The following NFKB1 variants were observed in gnomAD, a reference collection of about 807,000 sequenced individuals.
NFKB1 encodes nuclear factor NF-kappa-B p105 subunit.
NFKB1 carries 9 observed loss-of-function variants against 105.1 expected under a neutral mutation model. That is an observed-to-expected ratio of 0.09 (90% CI 0.05 to 0.15). NFKB1 has a LOEUF of 0.15. NFKB1 is among the 10% of genes least tolerant of loss of function. The pLI, the probability that NFKB1 is intolerant of heterozygous loss-of-function variation, is 1.00. For synonymous variants in NFKB1, 440 were observed against 442.2 expected (o/e 1.00, Z 0.06); for missense variants, 830 against 1,203.7 (o/e 0.69, Z 4.59).
chr4:102,552,938 C>A lies in NFKB1; in HGVS notation c.259-14049C>A, dbSNP rs184886601. ...CAGTCTGACACTTAGATTGTGTTCT[C>A]TTTTGCCCTATTAATGTCTAGAGTG... On this transcript the variant is annotated intron_variant, in intron 5 of 23. Coordinates refer to ENST00000226574, the MANE Select transcript of NFKB1 (RefSeq NM_003998.4). Among the ~76,000 whole-genome samples the A allele has an allele frequency of 4.6e-4, 70 of 152,190 alleles. No individual in the cohort carries two copies. In the East Asian group the frequency reaches 0.011, roughly 24 times the overall value.
At position 102,616,483 on chromosome 4, in the gene NFKB1, C is replaced by T; in HGVS notation, c.2799C>T (p.Ser933=). ...TCTGCGACAGCGGCGTGGAGACATC[C>T]TTCCGCAAACTCAGCTTTACCGAGT... ...DSVCDSGVET[S]FRKLSFTESL... The change falls in exon 24 of 24, where the codon TCC becomes TCT. Residue 933 remains serine, a synonymous_variant. Transcript: ENST00000226574. The T allele has an allele frequency of 1.2e-6, 2 of 1,614,148 alleles. No individual in the cohort carries two copies. The highest frequency in any genetic ancestry group is 1.7e-6 in the Non-Finnish European group (2 of 1,180,014).
At chr4:102,570,480 G>T (rs1291572199) in intron 6 of NFKB1, among the ~76,000 whole-genome samples, 3 of 152,048 alleles carry the variant, frequency 2.0e-5, no homozygotes, top group Non-Finnish European at 4.4e-5. Flanking sequence ...AATTTAGGTT[G>T]ATTCCATGTC....
chr4:102,530,345 G>GA (rs1741206941), intron 3 of NFKB1, among the ~76,000 whole-genome samples: 1 of 152,014 alleles, frequency 6.6e-6, no homozygotes, highest in Non-Finnish European at 1.5e-5. Context: ...CATCTCATTA[G>GA]AAAAATCATC....
rs1741331660 is a variant in NFKB1 at position 102,532,150 on chromosome 4, T to C, written c.119-1695T>C. On this transcript the variant is annotated intron_variant, in intron 3 of 23. Transcript: ENST00000226574. ...GGGTGAATTTCATACAGACAAAAGATGGTAATTTAATACATTGACCAGTGA... is the reference window on the plus strand; with the variant it reads ...GGGTGAATTTCATACAGACAAAAGACGGTAATTTAATACATTGACCAGTGA... Among the ~76,000 whole-genome samples the C allele has an allele frequency of 2.0e-5, 3 of 152,180 alleles. No homozygotes were observed. In the South Asian group the frequency reaches 6.2e-4, roughly 32 times the overall value.
At chr4:102,515,877 A>G (rs558321559) in intron 1 of NFKB1, among the ~76,000 whole-genome samples, 2 of 152,340 alleles carry the variant, frequency 1.3e-5, no homozygotes, top group Admixed American at 6.5e-5. Context: ...CCAAGTGTCT[A>G]TCATTTCCCT....
intron 22 of NFKB1, 89 bp from the exon 23 acceptor site, chr4:102,613,336 G>A (rs1213090200): frequency 7.2e-7 from 1 of 1,386,104 alleles, no homozygotes; most frequent in Non-Finnish European, 1.0e-6. Flanking sequence ...GAGGCAGCAT[G>A]GAAGAGGGAA....
intron 4 of NFKB1, among the ~76,000 whole-genome samples, chr4:102,537,278 A>G (rs1383535178): frequency 6.6e-6 from 1 of 152,174 alleles, no homozygotes; most frequent in African/African-American, 2.4e-5. Flanking sequence ...GCTTGACCAT[A>G]TTAATAATCA....
chr4:102,609,247 T>C (rs1279183091), intron 19 of NFKB1, among the ~76,000 whole-genome samples: 1 of 151,140 alleles, frequency 6.6e-6, no homozygotes, highest in Non-Finnish European at 1.5e-5. Context: ...GAAAAGCAAG[T>C]AACAGTTTCT....
chr4:102,520,463 A>C (rs1044456222), intron 1 of NFKB1, among the ~76,000 whole-genome samples: 5 of 152,198 alleles, frequency 3.3e-5, no homozygotes, highest in African/African-American at 1.2e-4. Context: ...TTGACATTCC[A>C]CTGTAAACAG....
chr4:102,567,444 TATTA>T (rs1457612150), intron 6 of NFKB1, among the ~76,000 whole-genome samples: 1 of 152,234 alleles, frequency 6.6e-6, no homozygotes, highest in Non-Finnish European at 1.5e-5. Context: ...TTTGTGCCAC[TATTA>T]ATTTTTTTTC....
chr4:102,615,662 T>C (rs1057496477), intron 23 of NFKB1, among the ~76,000 whole-genome samples: 4 of 152,260 alleles, frequency 2.6e-5, no homozygotes, highest in African/African-American at 9.6e-5. Context: ...ATTTTTAGGA[T>C]ATCGCATAGT....
chr4:102,580,524 C>A lies in NFKB1; in HGVS notation c.731-11C>A. 1 of 1,611,236 alleles carries A rather than the reference C, an allele frequency of 6.2e-7. No individual in the cohort carries two copies. Among genetic ancestry groups the A allele is most frequent in the Non-Finnish European group, 8.5e-7 (1 of 1,177,548 alleles). On this transcript the variant is annotated splice_polypyrimidine_tract_variant and intron_variant, in intron 8 of 23. Coordinates refer to ENST00000226574, the MANE Select transcript of NFKB1 (RefSeq NM_003998.4). The stretch of plus-strand genomic sequence containing the variant: ...TAATCATGTTATTTGTTGTTTTTCC[C>A]CTGTGAACAGAAGCCCCCAATGCAT...
chr4:102,596,200 A>C lies in NFKB1; in HGVS notation c.1363A>C (p.Thr455Pro), dbSNP rs774174368. ...TTGTGACAAAAGTGATGACAAAAAC[A>C]CTGTAAACCTCTTTGGGAAAGTTAT... ...EGCDKSDDKN[T>P]VNLFGKVIET... is the part of the protein sequence containing the mutation. Residue 455 changes from threonine to proline, a missense_variant, in exon 14 of 24, where the codon ACT becomes CCT. Physicochemically the swap from Thr to Pro is conservative, Grantham distance 38. Around this residue, in one of 8 missense-constraint regions of NFKB1, gnomAD observed 163 missense variants for 164.3 expected, o/e 0.99. Coordinates refer to ENST00000226574, the MANE Select transcript of NFKB1 (RefSeq NM_003998.4). 3 of 1,612,990 alleles carry C rather than the reference A, an allele frequency of 1.9e-6. No individual in the cohort carries two copies. In the South Asian group the frequency reaches 3.3e-5, roughly 18 times the overall value.
chr4:102,593,528 T>C lies in NFKB1; in HGVS notation c.1170T>C (p.Gly390=), dbSNP rs1332753753. 1 of 1,613,726 alleles carries C rather than the reference T, an allele frequency of 6.2e-7. No homozygotes were observed. Among genetic ancestry groups the C allele is most frequent in the Admixed American group, 1.7e-5 (1 of 60,004 alleles). ...GAGCTGGAGGCGGAGGCATGTTTGG[T>C]AGTGGCGGTGGAGGAGGGGGCACTG... ...GAGAGGGGMF[G]SGGGGGGTGS... The change falls in exon 12 of 24, where the codon GGT becomes GGC. Residue 390 remains glycine (G), a synonymous_variant. Transcript: ENST00000226574.
chr4:102,531,473 A>G (rs1351964084), intron 3 of NFKB1, among the ~76,000 whole-genome samples: 1 of 152,186 alleles, frequency 6.6e-6, no homozygotes, highest in Non-Finnish European at 1.5e-5. Flanking sequence ...ATCTAAACCA[A>G]TATTAACTTG....
chr4:102,514,737 C>T (rs1055431767), intron 1 of NFKB1, among the ~76,000 whole-genome samples: 1 of 151,968 alleles, frequency 6.6e-6, no homozygotes, highest in Non-Finnish European at 1.5e-5. Context: ...AGTTCTGCCA[C>T]GTTTTTGCTT....
At chr4:102,596,371 G>A (rs1356144098) in intron 14 of NFKB1, 39 bp downstream of exon 14, 5 of 1,550,312 alleles carry the variant, frequency 3.2e-6, no homozygotes, top group African/African-American at 1.4e-5. Flanking sequence ...TGGTTGGCTG[G>A]GGAGGGGTCA....
intron 11 of NFKB1, among the ~76,000 whole-genome samples, chr4:102,589,241 T>C (rs2149198482): frequency 6.6e-6 from 1 of 152,360 alleles, no homozygotes; most frequent in East Asian, 1.9e-4. Context: ...GGAATCCATG[T>C]CAATAGATAA....
In NFKB1 at chr4:102,519,062, A is replaced by G. The variant is rs1038470789; in HGVS notation, c.-7-6450A>G. Among the ~76,000 whole-genome samples the G allele has an allele frequency of 9.3e-4, 141 of 152,140 alleles. 2 individuals are homozygous for G. The highest frequency in any genetic ancestry group is 1.7e-3 in the Non-Finnish European group (116 of 67,998). ...AAAAAAAGTGTGGCCATTGATTTCAATCTGCCACAACCGTAAGCTCTGTGA... is the reference window on the plus strand; with the variant it reads ...AAAAAAAGTGTGGCCATTGATTTCAGTCTGCCACAACCGTAAGCTCTGTGA... On this transcript the variant is annotated intron_variant, in intron 1 of 23. Coordinates refer to ENST00000226574, the MANE Select transcript of NFKB1 (RefSeq NM_003998.4).
Sources: allele counts gnomAD v4.1 joint callset (sites outside exome capture counted in the v4.1 genomes callset), GRCh38; gene constraint gnomAD v4.1.1; regional missense constraint gnomAD v4.1.1; transcripts MANE v1.5; gene names NCBI Gene and HGNC (gene_info 2026-07-23, HGNC 2026-07-21).